The following CDH11 variants were observed in gnomAD, a reference collection of about 807,000 sequenced individuals.
CDH11 encodes cadherin-11.
In CDH11, 11 loss-of-function variants were observed where a neutral mutation model predicts 67.8. The observed-to-expected ratio is 0.16, with a 90% CI of 0.10 to 0.27. CDH11 has a LOEUF of 0.27. CDH11 is among the 10% of genes least tolerant of loss of function. The probability of loss-of-function intolerance (pLI) is 1.00; values close to 1 mark genes in which losing one functional copy is unlikely to be tolerated. For synonymous variants in CDH11, 419 were observed against 400.0 expected (o/e 1.05, Z -0.57); for missense variants, 847 against 1,031.2 (o/e 0.82, Z 2.45).
chr16:64,988,136 T>G, intron 7 of CDH11, 21 bp downstream of exon 7: 1 of 1,588,188 alleles, frequency 6.3e-7, no homozygotes, highest in South Asian at 1.2e-5. Flanking sequence ...CTGACACGTC[T>G]GATTCCTTAC....
chr16:64,970,425 AC>A (rs2071972858), intron 11 of CDH11, among the ~76,000 whole-genome samples: 1 of 152,150 alleles, frequency 6.6e-6, no homozygotes, highest in African/African-American at 2.4e-5. Flanking sequence ...CCCAGCCGTA[AC>A]TTTTATTTGG....
chr16:64,970,128 CA>C (rs2071963452), intron 11 of CDH11, among the ~76,000 whole-genome samples: 1 of 152,146 alleles, frequency 6.6e-6, no homozygotes, highest in Admixed American at 6.5e-5. Context: ...ACTTCCTTCA[CA>C]CTTCAGTTCT....
At chr16:65,075,794 G>C (rs928316101) in intron 1 of CDH11, among the ~76,000 whole-genome samples, 20 of 152,190 alleles carry the variant, frequency 1.3e-4, no homozygotes, top group African/African-American at 4.6e-4. Flanking sequence ...CCAAATAGCT[G>C]TGTGACCTCA....
At chr16:65,114,086 T>G (rs1419913353) in intron 1 of CDH11, among the ~76,000 whole-genome samples, 1 of 152,130 alleles carries the variant, frequency 6.6e-6, no homozygotes, top group Non-Finnish European at 1.5e-5. Context: ...CCTTCTTCAT[T>G]AAAATGGAGT....
intron 1 of CDH11, among the ~76,000 whole-genome samples, chr16:65,103,119 T>G (rs1418647405): frequency 1.3e-5 from 2 of 152,156 alleles, no homozygotes; most frequent in East Asian, 1.9e-4. Context: ...TCATATTTTT[T>G]GCGTTCCATT....
chr16:65,095,246 G>A (rs1314537047), intron 1 of CDH11, among the ~76,000 whole-genome samples: 2 of 152,044 alleles, frequency 1.3e-5, no homozygotes, highest in African/African-American at 2.4e-5. Flanking sequence ...GGCATACAAA[G>A]ATATCTCTAA....
intron 2 of CDH11, among the ~76,000 whole-genome samples, chr16:65,005,264 A>T (rs1343093533): frequency 1.3e-5 from 2 of 152,180 alleles, no homozygotes; most frequent in Admixed American, 6.5e-5. Flanking sequence ...AATGCATATA[A>T]GTCTCTTAGC....
intron 2 of CDH11, among the ~76,000 whole-genome samples, chr16:65,026,222 C>T (rs1389279304): frequency 6.6e-6 from 1 of 152,178 alleles, no homozygotes; most frequent in African/African-American, 2.4e-5. Flanking sequence ...CTGACAGACA[C>T]TGTGCTACAT....
In CDH11 at chr16:64,950,830, G is replaced by A. The variant is rs766525925; in HGVS notation, c.1831C>T (p.Leu611=). ...LLSCNAEAYI[L]NAGLSTGALI... ...GCGCCTGTGCTCAGGCCGGCGTTCA[G>A]AATGTAGGCCTCTGCGTTGCAGGAG... Residue 611 remains leucine, a synonymous_variant, in exon 12 of 13, where the codon CTG becomes TTG. Coordinates refer to ENST00000268603, the MANE Select transcript of CDH11 (RefSeq NM_001797.4). 6.2e-7 allele frequency: 1 copy of A among 1,614,216 alleles called. No individual in the cohort carries two copies. The highest frequency in any genetic ancestry group is 8.5e-7 in the Non-Finnish European group (1 of 1,180,048).
intron 2 of CDH11, among the ~76,000 whole-genome samples, chr16:65,045,329 GTATATATATATA>G (rs57695452): frequency 0.017 from 1,057 of 63,272 alleles, 52 homozygotes; most frequent in Middle Eastern, 0.05. Flanking sequence ...TCCCTCAAAA[GTATATATATATA>G]TATATATATA....
chr16:65,030,298 T>C (rs947022184), intron 2 of CDH11, among the ~76,000 whole-genome samples: 2 of 152,214 alleles, frequency 1.3e-5, no homozygotes, highest in African/African-American at 4.8e-5. Context: ...GACATACTTA[T>C]ATTAAAACAA....
Position 64,944,652 on chromosome 16 carries a change from T to C in CDH11, c.*2951A>G. On this transcript the variant is annotated 3_prime_UTR_variant, in exon 13 of 13. Transcript: ENST00000268603. ...ATACAGAGCCATGATCTCTATATTTTTAAGCAATTCTCCAAGAGGTGCAAA... is the reference window on the plus strand; with the variant it reads ...ATACAGAGCCATGATCTCTATATTTCTAAGCAATTCTCCAAGAGGTGCAAA... 8.6e-6 allele frequency: 2 copies of C among 231,630 alleles called. No homozygotes were observed. The highest frequency in any genetic ancestry group is 8.5e-6 in the Non-Finnish European group (1 of 117,046). 14.3% of individuals were successfully genotyped at this position (231,630 alleles called of 1,614,324 possible).
chr16:65,008,308 G>A (rs2142539186), intron 2 of CDH11, among the ~76,000 whole-genome samples: 1 of 152,112 alleles, frequency 6.6e-6, no homozygotes, highest in South Asian at 2.1e-4. Context: ...TCTTCTTTTG[G>A]AAAGAATACT....
chr16:65,058,250 C>CA (rs892680074), intron 1 of CDH11, among the ~76,000 whole-genome samples: 1 of 152,096 alleles, frequency 6.6e-6, no homozygotes, highest in African/African-American at 2.4e-5. Flanking sequence ...AACAAACAAA[C>CA]AAAAAGCCAC....
intron 7 of CDH11, chr16:64,985,440 A>G (rs2072461926): frequency 6.6e-6 from 1 of 151,954 alleles, no homozygotes; most frequent in Non-Finnish European, 1.5e-5. Context: ...GATTGAAGGT[A>G]TTGCAGTTTC....
At chr16:65,084,151 C>T (rs1360665898) in intron 1 of CDH11, among the ~76,000 whole-genome samples, 1 of 152,080 alleles carries the variant, frequency 6.6e-6, no homozygotes, top group Non-Finnish European at 1.5e-5. Flanking sequence ...TTCATTTATT[C>T]AATGAAATAG....
chr16:64,962,679 G>A (rs1339880496), intron 11 of CDH11, among the ~76,000 whole-genome samples: 2 of 152,140 alleles, frequency 1.3e-5, no homozygotes, highest in Admixed American at 6.5e-5. Flanking sequence ...GCTATCAGTA[G>A]GAGGAGGGAA....
intron 1 of CDH11, among the ~76,000 whole-genome samples, chr16:65,090,563 A>C (rs2074776701): frequency 6.6e-6 from 1 of 152,220 alleles, no homozygotes; most frequent in African/African-American, 2.4e-5. Flanking sequence ...TCAGTTATGA[A>C]ATAATTATAC....
At chr16:65,041,756 C>A (rs1480864027) in intron 2 of CDH11, among the ~76,000 whole-genome samples, 1 of 152,212 alleles carries the variant, frequency 6.6e-6, no homozygotes, top group Non-Finnish European at 1.5e-5. Context: ...TACATGTCAG[C>A]CCCAATTTTC....
Sources: allele counts gnomAD v4.1 joint callset (sites outside exome capture counted in the v4.1 genomes callset), GRCh38; gene constraint gnomAD v4.1.1; transcripts MANE v1.5; gene names NCBI Gene and HGNC (gene_info 2026-07-23, HGNC 2026-07-21).